Variants in ITIH1 observed in about 807,000 individuals in gnomAD.
ITIH1 encodes the protein inter-alpha-trypsin inhibitor heavy chain 1.
A neutral mutation model predicts 104.6 loss-of-function variants in ITIH1; 94 were observed. The observed-to-expected ratio is 0.90, with a 90% CI of 0.76 to 1.07. The LOEUF (loss-of-function observed/expected upper bound fraction) is 1.07, where lower values mean the gene tolerates loss of function less well. ITIH1 is among the 50% of genes least tolerant of loss of function. ITIH1 has a pLI of 0.00. For synonymous variants in ITIH1, 455 were observed against 464.4 expected, an observed-to-expected ratio of 0.98 and a Z score of 0.26; for missense variants, 1,193 against 1,181.4, an observed-to-expected ratio of 1.01 and a Z score of -0.14.
Position 52,790,952 on chromosome 3 carries a change from G to A in ITIH1, c.2494+31G>A, listed in dbSNP as rs776850473. 10 of 1,578,480 alleles carry A rather than the reference G, an allele frequency of 6.3e-6. No individual in the cohort carries two copies. The East Asian group carries it at 1.8e-4, about 29-fold the overall frequency. ...GCTGGCCAGGCTGGCAGGGCTGTGG[G>A]GAAGGGTGTTGAAGCCAGAGGACAT... On this transcript the variant is annotated intron_variant, in intron 20 of 21. Coordinates refer to ENST00000273283, the MANE Select transcript of ITIH1 (RefSeq NM_002215.4).
At chr3:52,778,731 C>T (rs1698966417) in intron 3 of ITIH1, 1 of 1,388,278 alleles carries the variant, frequency 7.2e-7, no homozygotes, top group Non-Finnish European at 9.5e-7. Context: ...CAGGCTAGAA[C>T]CCAAGGAGCC....
chr3:52,785,668 A>G (rs1699179650), intron 12 of ITIH1, among the ~76,000 whole-genome samples: 1 of 152,206 alleles, frequency 6.6e-6, no homozygotes, highest in Admixed American at 6.5e-5. Flanking sequence ...CCTCCAGGAC[A>G]CAGACAACGC....
Position 52,791,782 on chromosome 3 carries a change from G to C in ITIH1, c.2607G>C (p.Arg869Ser). The change falls in exon 22 of 22, where the codon AGG becomes AGC. Residue 869 changes from arginine to serine, a missense_variant and splice_region_variant. Arg to Ser is a moderately radical substitution (Grantham distance 110). Transcript: ENST00000273283. ...CCCCAGCTGACTTGTCTCTGCACAG[G>C]GGTTTGCAAAAAGACTACAGCAAGG... ...VVRNRRLTVT[R>S]GLQKDYSKDP... The C allele has an allele frequency of 6.2e-7, 1 of 1,612,448 alleles. No homozygotes were observed. The highest frequency in any genetic ancestry group is 8.5e-7 in the Non-Finnish European group (1 of 1,179,146).
At chr3:52,782,556 A>C (rs60133283) in intron 8 of ITIH1, among the ~76,000 whole-genome samples, 8,836 of 130,504 alleles carry the variant, frequency 0.068, 873 homozygotes, top group African/African-American at 0.22. Flanking sequence ...TAGAAGAGGA[A>C]ACCTGTGCAC....
Position 52,781,948 on chromosome 3 carries a change from G to A in ITIH1, c.696G>A (p.Val232=). Residue 232 remains valine (V), a synonymous_variant, in exon 7 of 22, where the codon GTG becomes GTA. Coordinates refer to ENST00000273283, the MANE Select transcript of ITIH1 (RefSeq NM_002215.4). ...KKSFSGKKGH[V]LFRPTVSQQQ... The stretch of plus-strand genomic sequence containing the variant: ...ACTCTCGACGGTTCCAGGGTCATGT[G>A]CTGTTCCGTCCCACCGTGAGCCAGC... The A allele has an allele frequency of 6.2e-7, 1 of 1,614,146 alleles. No homozygotes were observed. The highest frequency in any genetic ancestry group is 8.5e-7 in the Non-Finnish European group (1 of 1,180,034).
At chr3:52,783,845 G>A (rs1446145264) in intron 10 of ITIH1, among the ~76,000 whole-genome samples, 1 of 151,982 alleles carries the variant, frequency 6.6e-6, no homozygotes, top group African/African-American at 2.4e-5. Context: ...AAGGCCTCCT[G>A]GAGGAGGTGA....
At chr3:52,781,861 G>C in intron 6 of ITIH1, 79 bp from the exon 7 acceptor site, 1 of 1,558,778 alleles carries the variant, frequency 6.4e-7, no homozygotes, top group Non-Finnish European at 8.7e-7. Context: ...ACACACGCAT[G>C]CCTTCTTATG....
chr3:52,789,903 C>T (rs777614788), intron 19 of ITIH1, 49 bp downstream of exon 19: 2 of 1,578,254 alleles, frequency 1.3e-6, no homozygotes, highest in East Asian at 2.2e-5. Flanking sequence ...GTGGCCTGGG[C>T]CCAGGACTCT....
chr3:52,789,831 C>T lies in ITIH1; in HGVS notation c.2298C>T (p.Asp766=), dbSNP rs539120406. ...GTGGGCCTGTGTTTTCCTGGAGGGA[C>T]CAAGCTGTGCTGCGGCAGGACGGGT... The part of the protein sequence containing the change: ...GFGGPVFSWR[D]QAVLRQDGVV... The change falls in exon 19 of 22, where the codon GAC becomes GAT. Residue 766 remains aspartate (D), a synonymous_variant. Transcript: ENST00000273283. The T allele has an allele frequency of 3.1e-6, 5 of 1,614,116 alleles. No individual in the cohort carries two copies. In the African/African-American group the frequency reaches 5.3e-5, roughly 17 times the overall value.
rs753412872 is a variant in ITIH1 at position 52,790,926 on chromosome 3, G to A, written c.2494+5G>A. 2.0e-5 allele frequency: 32 copies of A among 1,592,258 alleles called. No individual in the cohort carries two copies. Among genetic ancestry groups the A allele is most frequent in the South Asian group, 5.7e-5 (5 of 88,302 alleles). ...CCCGGACGCACGGGCTGCTGGGTAC[G>A]GCTGGCCAGGCTGGCAGGGCTGTGG... On this transcript the variant is annotated splice_donor_5th_base_variant and intron_variant, in intron 20 of 21. Coordinates refer to ENST00000273283, the MANE Select transcript of ITIH1 (RefSeq NM_002215.4).
rs750388013 is a variant in ITIH1 at position 52,778,333 on chromosome 3, A to C, written c.139-7A>C. 1 of 1,614,012 alleles carries C rather than the reference A, an allele frequency of 6.2e-7. No homozygotes were observed. The highest frequency in any genetic ancestry group is 8.5e-7 in the Non-Finnish European group (1 of 1,179,946). ...TCAGGCCACAGCTCCTTCATGTCTC[A>C]CTTTAGGCTGTCGATGGCGTGTTCA... On this transcript the variant is annotated splice_region_variant and splice_polypyrimidine_tract_variant and intron_variant, in intron 2 of 21. Coordinates refer to ENST00000273283, the MANE Select transcript of ITIH1 (RefSeq NM_002215.4).
chr3:52,782,970 T>A lies in ITIH1; in HGVS notation c.944T>A (p.Leu315His), dbSNP rs200511784. The part of the protein sequence containing the change: ...GQKVKQTKEA[L>H]LKILGDMQPG... ...CTGTCCTTGCAGACCAAGGAGGCAC[T>A]CCTTAAAATTCTGGGGGACATGCAG... Residue 315 changes from leucine (L) to histidine (H), a missense_variant, in exon 9 of 22, where the codon CTC (leucine) becomes CAC (histidine). Physicochemically the swap from Leu to His is moderately conservative, Grantham distance 99. Transcript: ENST00000273283. The A allele has an allele frequency of 2.6e-5, 42 of 1,614,014 alleles. No homozygotes were observed. In the East Asian group the frequency reaches 8.5e-4, roughly 33 times the overall value.
chr3:52,785,096 A>C lies in ITIH1; in HGVS notation c.1460A>C (p.Tyr487Ser), dbSNP rs1306066109. 6.2e-7 allele frequency: 1 copy of C among 1,613,844 alleles called. No individual in the cohort carries two copies. The highest frequency in any genetic ancestry group is 8.5e-7 in the Non-Finnish European group (1 of 1,179,966). ...KPLLVDVDLQ[Y>S]PQDAVLALTQ... ...CTGCTGGTGGATGTGGATTTGCAGT[A>C]CCCCCAGGATGCTGTCTTGGCCCTG... is the stretch of plus-strand genomic sequence containing the variant. The change falls in exon 12 of 22, where the codon TAC becomes TCC. Residue 487 changes from tyrosine to serine, a missense_variant. Physicochemically the swap from Tyr to Ser is moderately radical, Grantham distance 144. Transcript: ENST00000273283.
At chr3:52,787,866 C>A (rs1214234933) in intron 16 of ITIH1, 120 bp from the exon 17 acceptor site, 11 of 1,027,486 alleles carry the variant, frequency 1.1e-5, no homozygotes, top group Non-Finnish European at 1.7e-5. Context: ...GTTGAGTGGA[C>A]ATCCCTGCTT....
rs1699205970 is a variant in ITIH1, at chr3:52,786,439, G to A, written c.1733+5G>A. ...CCAGGAGCTGCTGGCCAAGCGGTAG[G>A]GCACCTGCAGCTGCCCCAGGTGGGC... On this transcript the variant is annotated splice_donor_5th_base_variant and intron_variant, in intron 13 of 21. Coordinates refer to ENST00000273283, the MANE Select transcript of ITIH1 (RefSeq NM_002215.4). The A allele has an allele frequency of 6.4e-7, 1 of 1,572,752 alleles. No homozygotes were observed. The highest frequency in any genetic ancestry group is 1.4e-5 in the African/African-American group (1 of 73,796).
chr3:52,786,934 C>T lies in ITIH1; in HGVS notation c.1734-11C>T, dbSNP rs766986422. ...GTCGGGGCTTGGAGCCAGCCTCTGT[C>T]TTGAATGCAGGATGAAGGTGGACAG... On this transcript the variant is annotated splice_polypyrimidine_tract_variant and intron_variant, in intron 13 of 21. Transcript: ENST00000273283. 1 of 1,606,466 alleles carries T rather than the reference C, an allele frequency of 6.2e-7. No homozygotes were observed. Among genetic ancestry groups the T allele is most frequent in the Non-Finnish European group, 8.5e-7 (1 of 1,175,486 alleles).
intron 13 of ITIH1, 144 bp downstream of exon 13, chr3:52,786,578 A>G: frequency 3.4e-6 from 3 of 872,378 alleles, no homozygotes; most frequent in Non-Finnish European, 5.2e-6. Context: ...AGTTAATATC[A>G]ACCAGTCAGT....
At position 52,791,520 on chromosome 3, in the gene ITIH1, A is replaced by G; in HGVS notation, c.2498A>G (p.Gln833Arg). 1.9e-6 allele frequency: 3 copies of G among 1,613,852 alleles called. No individual in the cohort carries two copies. The highest frequency in any genetic ancestry group is 2.5e-6 in the Non-Finnish European group (3 of 1,179,876). ...TGTCTCCAATGTGCCTTTCTAGGGC[A>G]ATTTTTCCACCCCATCGGTTTTGAA... ...MSARTHGLLGQFFHPIGFEVS... is the reference protein window; with the variant it reads ...MSARTHGLLGRFFHPIGFEVS... Residue 833 changes from glutamine to arginine, a missense_variant, in exon 21 of 22, where the codon CAA becomes CGA. Gln to Arg is a conservative substitution (Grantham distance 43, BLOSUM62 1). Coordinates refer to ENST00000273283, the MANE Select transcript of ITIH1 (RefSeq NM_002215.4).
chr3:52,779,710 G>T lies in ITIH1; in HGVS notation c.573+116G>T. On this transcript the variant is annotated intron_variant, in intron 5 of 21. Transcript: ENST00000273283. This position sits in a 1 kb window ranked among gnomAD's most constrained non-coding sequence, Gnocchi z 4.4. ...CCAGGCCTGAGAACACAGGGATGGGGACTAACCCCTCAGGGTGAGCTCTGA... is the reference window on the plus strand; with the variant it reads ...CCAGGCCTGAGAACACAGGGATGGGTACTAACCCCTCAGGGTGAGCTCTGA... 7.9e-7 allele frequency: 1 copy of T among 1,266,688 alleles called. No individual in the cohort carries two copies. 78.5% of individuals were successfully genotyped at this position (1,266,688 alleles called of 1,614,324 possible). A position where few individuals can be genotyped will look rare whatever the true frequency, so the allele number is the denominator to read the frequency against.
Sources: allele counts gnomAD v4.1 joint callset (sites outside exome capture counted in the v4.1 genomes callset), GRCh38; gene constraint gnomAD v4.1.1; non-coding constraint Gnocchi (gnomAD v3.1); transcripts MANE v1.5; gene names NCBI Gene and HGNC (gene_info 2026-07-23, HGNC 2026-07-21).